The following ZNF836 variants were observed in gnomAD, a reference collection of about 807,000 sequenced individuals.
ZNF836 encodes zinc finger protein 836.
In ZNF836, 12 loss-of-function variants were observed where a neutral mutation model predicts 7.4. The ratio of observed to expected loss-of-function variants is 1.61; its 90% CI spans 1.03 to 2.61. The LOEUF (loss-of-function observed/expected upper bound fraction) is 2.61, where lower values mean the gene tolerates loss of function less well. Among genes scored for constraint, ZNF836 ranks in the 30% most tolerant of loss-of-function variants. The probability of loss-of-function intolerance (pLI) is 0.00; values close to 1 mark genes in which losing one functional copy is unlikely to be tolerated. For missense variants in ZNF836, 998 were observed against 1,126.2 expected, an observed-to-expected ratio of 0.89 and a Z score of 1.63; for synonymous variants, 365 against 382.6, an observed-to-expected ratio of 0.95 and a Z score of 0.54.
intron 3 of ZNF836, 60 bp from the exon 4 acceptor site, chr19:52,160,651 T>C (rs2089205846): frequency 6.5e-7 from 1 of 1,531,060 alleles, no homozygotes. Flanking sequence ...ATACATAAAA[T>C]GAGAAGAGGA....
intron 2 of ZNF836, among the ~76,000 whole-genome samples, chr19:52,168,987 G>A (rs767174849): frequency 5.9e-5 from 9 of 152,186 alleles, no homozygotes; most frequent in East Asian, 3.8e-4. Context: ...TGGCCAAAGC[G>A]TATAAACTTT....
chr19:52,155,281 G>T lies in ZNF836; in HGVS notation c.2402C>A (p.Thr801Asn). The T allele has an allele frequency of 6.2e-7, 1 of 1,613,910 alleles. No individual in the cohort carries two copies. The highest frequency in any genetic ancestry group is 8.5e-7 in the Non-Finnish European group (1 of 1,179,826). ...ATTACACACGTAAGGTTTCTCTCCA[G>T]TATGAATACTCCGATGACGTGCTAG... ...STLARHRSIH[T>N]GEKPYVCNEC... The change falls in exon 5 of 5, where the codon ACT (threonine) becomes AAT (asparagine). Residue 801 changes from threonine to asparagine, a missense_variant. Physicochemically the swap from Thr to Asn is moderately conservative, Grantham distance 65. Transcript: ENST00000682614.
At chr19:52,167,744 A>G (rs1329842731) in intron 3 of ZNF836, among the ~76,000 whole-genome samples, 3 of 152,138 alleles carry the variant, frequency 2.0e-5, no homozygotes, top group Admixed American at 6.6e-5. Context: ...AGCTGACTGC[A>G]TCCTGATTTT....
At chr19:52,159,600 T>C (rs995710846) in intron 4 of ZNF836, among the ~76,000 whole-genome samples, 1 of 152,196 alleles carries the variant, frequency 6.6e-6, no homozygotes, top group African/African-American at 2.4e-5. Flanking sequence ...CCTGCACATA[T>C]TGACATAGAC....
In ZNF836 at chr19:52,156,282, C is replaced by A; in HGVS notation, c.1401G>T (p.Glu467Asp). The change falls in exon 5 of 5, where the codon GAG (glutamate) becomes GAT (aspartate). Residue 467 changes from glutamate (E) to aspartate (D), a missense_variant. Transcript: ENST00000682614. ...LARHQRSHTGEKPYKCNECGK... is the reference protein window; with the variant it reads ...LARHQRSHTGDKPYKCNECGK... Reference sequence around the variant, plus strand: ...CACATTCATTGCATTTGTAAGGTTTCTCTCCAGTATGACTTCTCTGGTGCC... The same window carrying A: ...CACATTCATTGCATTTGTAAGGTTTATCTCCAGTATGACTTCTCTGGTGCC... 1 of 1,614,204 alleles carries A rather than the reference C, an allele frequency of 6.2e-7. No individual in the cohort carries two copies.
At chr19:52,159,942 G>A (rs752505859) in intron 4 of ZNF836, among the ~76,000 whole-genome samples, 5 of 152,008 alleles carry the variant, frequency 3.3e-5, no homozygotes, top group African/African-American at 9.7e-5. Flanking sequence ...CTAGCACTTC[G>A]GGAGGCCAAG....
Position 52,155,376 on chromosome 19 carries a change from C to T in ZNF836, c.2307G>A (p.Arg769=), listed in dbSNP as rs774856815. ...AAGGTTTCTCTCCAGTGTGAATTCT[C>T]CGATGCCTTGCAAGGTTCGAAGTGG... The part of the protein sequence containing the change: ...FNSTSNLARH[R]RIHTGEKPYK... The change falls in exon 5 of 5, where the codon CGG becomes CGA. Residue 769 remains arginine, a synonymous_variant. Transcript: ENST00000682614. 4.3e-6 allele frequency: 7 copies of T among 1,613,880 alleles called. No individual in the cohort carries two copies. The African/African-American group carries it at 9.4e-5, about 22-fold the overall frequency.
chr19:52,160,076 A>G (rs938477128), intron 4 of ZNF836, among the ~76,000 whole-genome samples: 2 of 151,614 alleles, frequency 1.3e-5, no homozygotes, highest in Non-Finnish European at 2.9e-5. Flanking sequence ...CCAGCTACTC[A>G]GGAGGCTGAG....
intron 3 of ZNF836, chr19:52,165,502 C>T (rs1443519183): frequency 5.3e-5 from 8 of 152,240 alleles, no homozygotes; most frequent in Admixed American, 5.2e-4. Flanking sequence ...GAATTGTTTT[C>T]TGAAATCTCA....
At chr19:52,170,882 T>C (rs921705004) in intron 1 of ZNF836, among the ~76,000 whole-genome samples, 4 of 152,004 alleles carry the variant, frequency 2.6e-5, no homozygotes, top group Admixed American at 6.6e-5. Flanking sequence ...GGAGTAAAAT[T>C]TGGGAAGGAA....
rs762746039 is a variant in ZNF836 at position 52,155,714 on chromosome 19, G to A, written c.1969C>T (p.Arg657Trp). ...GGTTTCTCTCCGGTATGAATTTTCC[G>A]ATGACGTGCTAGGCATGAGTAGTAA... ...FSYYSCLARH[R>W]KIHTGEKPYK... Residue 657 changes from arginine to tryptophan, a missense_variant, in exon 5 of 5, where the codon CGG becomes TGG. By Grantham distance (101) the Arg-to-Trp change is moderately radical. Transcript: ENST00000682614. 4.1e-5 allele frequency: 66 copies of A among 1,614,182 alleles called. No individual in the cohort carries two copies. In the South Asian group the frequency reaches 4.5e-4, roughly 11 times the overall value.
chr19:52,156,744 T>A lies in ZNF836; in HGVS notation c.939A>T (p.Gln313His). The A allele has an allele frequency of 6.2e-7, 1 of 1,606,902 alleles. No individual in the cohort carries two copies. The highest frequency in any genetic ancestry group is 8.5e-7 in the Non-Finnish European group (1 of 1,175,058). ...TCTGATGTATTGCAAGGTTATAACT[T>A]TGACTAAAGGACTTGCCACATTCAT... ...KCNECGKSFS[Q>H]SYNLAIHQRI... The change falls in exon 5 of 5, where the codon CAA becomes CAT. Residue 313 changes from glutamine (Q) to histidine (H), a missense_variant. Gln to His is a conservative substitution (Grantham distance 24). Coordinates refer to ENST00000682614, the MANE Select transcript of ZNF836 (RefSeq NM_001102657.3).
intron 4 of ZNF836, among the ~76,000 whole-genome samples, chr19:52,158,471 G>T (rs1045877678): frequency 6.6e-6 from 1 of 151,996 alleles, no homozygotes; most frequent in Non-Finnish European, 1.5e-5. Context: ...CTGGCCGGGC[G>T]CAGTGGCTCA....
intron 2 of ZNF836, among the ~76,000 whole-genome samples, chr19:52,168,764 C>G (rs951200322): frequency 1.1e-4 from 16 of 152,034 alleles, no homozygotes; most frequent in African/African-American, 3.6e-4. Context: ...ATGGATGAAC[C>G]ATGCAATCTC....
chr19:52,159,286 C>T (rs892004253), intron 4 of ZNF836, among the ~76,000 whole-genome samples: 3 of 152,130 alleles, frequency 2.0e-5, no homozygotes, highest in African/African-American at 7.2e-5. Flanking sequence ...ATATTCTAAG[C>T]TAGCAAACAG....
intron 1 of ZNF836, 80 bp from the exon 2 acceptor site, chr19:52,169,861 T>A (rs1460062436): frequency 6.6e-6 from 1 of 151,844 alleles, no homozygotes; most frequent in Non-Finnish European, 1.5e-5. Flanking sequence ...CATTTCTCAG[T>A]TACTCTATCC....
chr19:52,165,587 A>G (rs1191236175), intron 3 of ZNF836, among the ~76,000 whole-genome samples: 1 of 152,220 alleles, frequency 6.6e-6, no homozygotes, highest in Non-Finnish European at 1.5e-5. Flanking sequence ...CTCCCCACAG[A>G]AACATGAGGG....
chr19:52,159,948 C>T lies in ZNF836; in HGVS notation c.142+517G>A, dbSNP rs528149840. ...CCTGTAATCCTAGCACTTCGGGAGGCCAAGGCGGGCAGACTGCCGAGCTCA... is the reference window on the plus strand; with the variant it reads ...CCTGTAATCCTAGCACTTCGGGAGGTCAAGGCGGGCAGACTGCCGAGCTCA... On this transcript the variant is annotated intron_variant, in intron 4 of 4. Transcript: ENST00000682614. Among the ~76,000 whole-genome samples the T allele has an allele frequency of 5.9e-4, 90 of 152,166 alleles. 1 individual carries two copies. Among genetic ancestry groups the T allele is most frequent in the Middle Eastern group, 3.4e-3 (1 of 294 alleles).
chr19:52,170,805 A>C (rs184227900), intron 1 of ZNF836, among the ~76,000 whole-genome samples: 2 of 151,704 alleles, frequency 1.3e-5, no homozygotes, highest in Non-Finnish European at 2.9e-5. Context: ...GATCCCTCTC[A>C]CCCACACATT....
Sources: allele counts gnomAD v4.1 joint callset (sites outside exome capture counted in the v4.1 genomes callset), GRCh38; gene constraint gnomAD v4.1.1; transcripts MANE v1.5; gene names NCBI Gene and HGNC (gene_info 2026-07-23, HGNC 2026-07-21).